TAF4B: variants seen among roughly 807,000 people sequenced by gnomAD.
The protein encoded by TAF4B is TATA-box binding protein associated factor 4b.
TAF4B carries 38 observed loss-of-function variants against 86.4 expected under a neutral mutation model. The observed-to-expected ratio is 0.44, with a 90% CI of 0.34 to 0.58. The LOEUF is 0.58. Among genes scored for constraint, TAF4B ranks in the 20% least tolerant of loss-of-function variants. The pLI is 0.02. For synonymous variants in TAF4B, 388 were observed against 391.2 expected (o/e 0.99, Z 0.10); for missense variants, 988 against 1,027.6 (o/e 0.96, Z 0.53).
At chr18:26,264,223 G>A (rs1314228801) in intron 1 of TAF4B, among the ~76,000 whole-genome samples, 1 of 152,160 alleles carries the variant, frequency 6.6e-6, no homozygotes, top group African/African-American at 2.4e-5. Context: ...AGGATCACCT[G>A]GGATCAGGGA....
chr18:26,342,264 C>T (rs1255677043), intron 13 of TAF4B, among the ~76,000 whole-genome samples: 1 of 152,022 alleles, frequency 6.6e-6, no homozygotes, highest in East Asian at 1.9e-4. Context: ...TGATTATTTT[C>T]ATTGCTACTA....
At chr18:26,273,703 A>AT (rs2056348472) in intron 3 of TAF4B, among the ~76,000 whole-genome samples, 1 of 151,978 alleles carries the variant, frequency 6.6e-6, no homozygotes, top group Non-Finnish European at 1.5e-5. Flanking sequence ...CCTTCTTCCC[A>AT]TTTTTTACCC....
At chr18:26,246,539 G>T (rs1339037263) in intron 1 of TAF4B, among the ~76,000 whole-genome samples, 3 of 150,770 alleles carry the variant, frequency 2.0e-5, no homozygotes, top group Non-Finnish European at 3.0e-5. Flanking sequence ...TTGTTTTTGT[G>T]GTTTTTTTTT....
chr18:26,317,173 G>A (rs1249019119), intron 10 of TAF4B, among the ~76,000 whole-genome samples: 1 of 151,916 alleles, frequency 6.6e-6, no homozygotes, highest in African/African-American at 2.4e-5. Context: ...GGGATTACAG[G>A]TGCCCACTAC....
chr18:26,254,045 C>T (rs1429642463), intron 1 of TAF4B, among the ~76,000 whole-genome samples: 2 of 152,020 alleles, frequency 1.3e-5, no homozygotes, highest in East Asian at 3.9e-4. Flanking sequence ...TCTGCCTCAG[C>T]CTCCTGAGTA....
At chr18:26,366,363 C>CTG (rs1231852557) in intron 14 of TAF4B, 1 of 152,160 alleles carries the variant, frequency 6.6e-6, no homozygotes, top group African/African-American at 2.4e-5. Context: ...CTAATCTTTT[C>CTG]TGTATCATTC....
intron 1 of TAF4B, among the ~76,000 whole-genome samples, chr18:26,229,903 T>C (rs1414693974): frequency 6.6e-6 from 1 of 152,092 alleles, no homozygotes; most frequent in Non-Finnish European, 1.5e-5. Flanking sequence ...ATGAATACTT[T>C]AAGTATTTGA....
At chr18:26,241,370 G>A (rs1460817843) in intron 1 of TAF4B, among the ~76,000 whole-genome samples, 1 of 152,098 alleles carries the variant, frequency 6.6e-6, no homozygotes, top group Non-Finnish European at 1.5e-5. Flanking sequence ...GTTTATTTGC[G>A]TAGAGGAGTT....
In TAF4B at chr18:26,310,003, A is replaced by G. The variant is rs370367674; in HGVS notation, c.1833-5226A>G. Reference sequence around the variant, plus strand: ...ATGCCCAGCTCATTTTTGTATTTTTAGTAGAGATGGGGTTTCACCATATTG... The same window carrying G: ...ATGCCCAGCTCATTTTTGTATTTTTGGTAGAGATGGGGTTTCACCATATTG... On this transcript the variant is annotated intron_variant, in intron 9 of 14. Coordinates refer to ENST00000269142, the MANE Select transcript of TAF4B (RefSeq NM_005640.3). 2.0e-5 allele frequency among the ~76,000 whole-genome samples: 3 copies of G among 151,976 alleles called. No individual in the cohort carries two copies. In the East Asian group the frequency reaches 5.8e-4, roughly 29 times the overall value.
intron 13 of TAF4B, among the ~76,000 whole-genome samples, chr18:26,355,283 T>C (rs544173194): frequency 2.0e-4 from 31 of 152,198 alleles, no homozygotes; most frequent in Non-Finnish European, 2.9e-4. Context: ...TTTTTTTATA[T>C]ATAGATAACT....
intron 13 of TAF4B, 67 bp downstream of exon 13, chr18:26,335,298 A>G (rs965333254): frequency 6.5e-6 from 9 of 1,384,850 alleles, no homozygotes; most frequent in African/African-American, 4.3e-5. Context: ...TCTCCTGGCA[A>G]TTAGGTCAGG....
Position 26,267,643 on chromosome 18 carries a change from C to A in TAF4B, c.597+20C>A, listed in dbSNP as rs780504269. 5.2e-6 allele frequency: 8 copies of A among 1,527,116 alleles called. No individual in the cohort carries two copies. Among genetic ancestry groups the A allele is most frequent in the African/African-American group, 1.4e-5 (1 of 73,140 alleles). The allele number at this position is 1,527,116 out of a possible 1,614,324, so 94.6% of individuals were successfully genotyped here. On this transcript the variant is annotated intron_variant, in intron 3 of 14. Coordinates refer to ENST00000269142, the MANE Select transcript of TAF4B (RefSeq NM_005640.3). ...GTACAAGTAAGTTGTGCTGGCCATT[C>A]GTGCACTTGTTGTTCTCTTAACTTT...
At chr18:26,367,169 A>C (rs927103656) in intron 14 of TAF4B, among the ~76,000 whole-genome samples, 2 of 152,218 alleles carry the variant, frequency 1.3e-5, no homozygotes, top group Admixed American at 1.3e-4. Context: ...ACATATGTAC[A>C]TGTATGTACA....
At chr18:26,389,718 C>T in intron 14 of TAF4B, 127 bp from the exon 15 acceptor site, 1 of 958,574 alleles carries the variant, frequency 1.0e-6, no homozygotes, top group Non-Finnish European at 1.5e-6. Flanking sequence ...AGGTCTTCAT[C>T]ATTACATTAT....
chr18:26,271,476 T>C (rs752905642), intron 3 of TAF4B, among the ~76,000 whole-genome samples: 8 of 152,242 alleles, frequency 5.3e-5, no homozygotes, highest in Non-Finnish European at 1.0e-4. Context: ...ATTGGCTCTG[T>C]GTAGAATTGG....
At chr18:26,278,520 C>G (rs998412762) in intron 5 of TAF4B, among the ~76,000 whole-genome samples, 3 of 151,770 alleles carry the variant, frequency 2.0e-5, no homozygotes, top group African/African-American at 7.3e-5. Context: ...GTTACCCAAG[C>G]TAGTTTCCCA....
intron 1 of TAF4B, among the ~76,000 whole-genome samples, chr18:26,240,493 A>G (rs889615144): frequency 1.2e-4 from 19 of 152,172 alleles, no homozygotes; most frequent in African/African-American, 4.3e-4. Flanking sequence ...GGCTGAGACA[A>G]TGGGGTTTTC....
intron 14 of TAF4B, among the ~76,000 whole-genome samples, chr18:26,361,702 G>A (rs536283243): frequency 2.9e-5 from 4 of 139,330 alleles, no homozygotes; most frequent in East Asian, 2.1e-4. Flanking sequence ...CCGAGATCGC[G>A]CCACTCCCCT....
At chr18:26,312,788 C>T (rs1319245020) in intron 9 of TAF4B, among the ~76,000 whole-genome samples, 1 of 152,074 alleles carries the variant, frequency 6.6e-6, no homozygotes, top group Admixed American at 6.5e-5. Flanking sequence ...TGTGGAGTTA[C>T]CCGCACGTTA....
Sources: gnomAD v4.1 joint callset for allele counts (sites outside exome capture counted in the v4.1 genomes callset) on GRCh38, gnomAD v4.1.1 for gene constraint, MANE v1.5 for transcripts, NCBI Gene and HGNC (gene_info 2026-07-23, HGNC 2026-07-21) for gene names.